The following PAPOLA variants were observed in gnomAD, a reference collection of about 807,000 sequenced individuals.
PAPOLA encodes poly(A) polymerase alpha.
Under a neutral mutation model 100.6 loss-of-function variants are expected in PAPOLA, and 15 were observed. The observed-to-expected ratio is 0.15, with a 90% confidence interval of 0.10 to 0.23. PAPOLA has a LOEUF of 0.23. PAPOLA is among the 10% of genes least tolerant of loss of function. PAPOLA has a pLI of 1.00. For missense variants in PAPOLA, 533 were observed against 884.2 expected, an observed-to-expected ratio of 0.60 and a Z score of 5.04; for synonymous variants, 293 against 300.0, an observed-to-expected ratio of 0.98 and a Z score of 0.24.
intron 10 of PAPOLA, 147 bp from the exon 11 acceptor site, chr14:96,535,732 T>C (rs1419623915): frequency 2.5e-6 from 2 of 797,918 alleles, no homozygotes; most frequent in Non-Finnish European, 3.5e-6. Flanking sequence ...ATAAAAACAA[T>C]GTCTCTCTAC....
Position 96,532,315 on chromosome 14 carries a change from T to TA in PAPOLA, c.608-15dup, listed in dbSNP as rs901458291. The TA allele has an allele frequency of 6.3e-7, 1 of 1,592,142 alleles. No homozygotes were observed. Among genetic ancestry groups the TA allele is most frequent in the Non-Finnish European group, 8.5e-7 (1 of 1,172,586 alleles). On this transcript the variant is annotated splice_polypyrimidine_tract_variant and intron_variant, in intron 7 of 21. Coordinates refer to ENST00000216277, the MANE Select transcript of PAPOLA (RefSeq NM_032632.5). The stretch of plus-strand genomic sequence containing the variant: ...GTGTGTGTGTGTGTGTGTTTTTTTT[T>TA]ACCCCTATTAATTAGGTTGCAGGGT...
chr14:96,543,621 A>C (rs1900169188), intron 14 of PAPOLA, among the ~76,000 whole-genome samples: 1 of 151,980 alleles, frequency 6.6e-6, no homozygotes, highest in Admixed American at 6.6e-5. Flanking sequence ...TCTAATCTTA[A>C]TTATAACAAG....
intron 12 of PAPOLA, chr14:96,537,769 G>GT (rs1899660543): frequency 6.6e-6 from 1 of 151,838 alleles, no homozygotes. Flanking sequence ...ATGTGCCAAA[G>GT]TCCCACTTAA....
chr14:96,509,694 T>C (rs1008198414), intron 1 of PAPOLA, among the ~76,000 whole-genome samples: 58 of 152,228 alleles, frequency 3.8e-4, no homozygotes, highest in African/African-American at 1.3e-3. Flanking sequence ...AGCATGTTAC[T>C]GTACCGAATA....
At chr14:96,557,397 G>GTTTTGGGAAAACCATTAAAA (rs1901430883) in intron 19 of PAPOLA, among the ~76,000 whole-genome samples, 1 of 152,096 alleles carries the variant, frequency 6.6e-6, no homozygotes, top group Non-Finnish European at 1.5e-5. Context: ...TACAGTCTTA[G>GTTTTGGGAAAACCATTAAAA]TTTTGGGAAA....
intron 15 of PAPOLA, among the ~76,000 whole-genome samples, chr14:96,545,716 T>C (rs1174039119): frequency 2.6e-5 from 4 of 152,048 alleles, no homozygotes; most frequent in Non-Finnish European, 4.4e-5. Flanking sequence ...TTGAAAGATA[T>C]ATAGTGTTTC....
rs111547818 is a variant in PAPOLA at position 96,513,802 on chromosome 14, T to C, written c.9-6253T>C. ...TGTTGCTGTTTTGGCATAAGCTGCA[T>C]GTATTTTCTCCTTTTATCATTTGCT... is the stretch of plus-strand genomic sequence containing the variant. On this transcript the variant is annotated intron_variant, in intron 1 of 21. Coordinates refer to ENST00000216277, the MANE Select transcript of PAPOLA (RefSeq NM_032632.5). Among the ~76,000 whole-genome samples the C allele has an allele frequency of 5.9e-5, 9 of 152,372 alleles. 2 individuals carry two copies. The highest frequency in any genetic ancestry group is 2.2e-4 in the African/African-American group (9 of 41,592).
chr14:96,532,741 C>G, intron 9 of PAPOLA, 92 bp downstream of exon 9: 8 of 1,444,452 alleles, frequency 5.5e-6, no homozygotes, highest in African/African-American at 2.9e-5. Context: ...GTTTCAGATT[C>G]AAATTTTAGT....
At chr14:96,561,557 C>T (rs944981770) in intron 20 of PAPOLA, among the ~76,000 whole-genome samples, 9 of 152,168 alleles carry the variant, frequency 5.9e-5, no homozygotes, top group African/African-American at 2.2e-4. Flanking sequence ...CAACCAATTT[C>T]CTATCCATAG....
intron 18 of PAPOLA, 82 bp downstream of exon 18, chr14:96,556,029 A>C: frequency 8.5e-7 from 1 of 1,181,650 alleles, no homozygotes; most frequent in Admixed American, 1.9e-5. Flanking sequence ...GGGTTTGTTA[A>C]GTAGTTGAAA....
At chr14:96,534,628 T>A (rs558544265) in intron 10 of PAPOLA, 65 bp downstream of exon 10, 17 of 1,611,820 alleles carry the variant, frequency 1.1e-5, no homozygotes, top group South Asian at 4.4e-5. Context: ...ATCATCTGCA[T>A]AAACTCCAGG....
At chr14:96,524,677 T>C (rs575588372) in intron 3 of PAPOLA, among the ~76,000 whole-genome samples, 53 of 152,280 alleles carry the variant, frequency 3.5e-4, no homozygotes, top group African/African-American at 1.3e-3. Flanking sequence ...CATGCCACCA[T>C]GCCCAGCTAA....
intron 1 of PAPOLA, among the ~76,000 whole-genome samples, chr14:96,504,902 T>C (rs1896606410): frequency 6.6e-6 from 1 of 152,190 alleles, no homozygotes; most frequent in Non-Finnish European, 1.5e-5. Context: ...ATACCTGTCC[T>C]AATGTTAAAT....
intron 20 of PAPOLA, among the ~76,000 whole-genome samples, chr14:96,562,050 A>T (rs1378201028): frequency 6.6e-6 from 1 of 151,826 alleles, no homozygotes; most frequent in Non-Finnish European, 1.5e-5. Context: ...ACCCGCCACC[A>T]TGCCTGGCTA....
chr14:96,541,868 ATGGTGTTT>A (rs1220894128), intron 12 of PAPOLA: 1 of 161,012 alleles, frequency 6.2e-6, no homozygotes, highest in East Asian at 1.8e-4. Context: ...GTCTAAAGCA[ATGGTGTTT>A]TGATTCTATT....
At chr14:96,538,631 A>G (rs1254062516) in intron 12 of PAPOLA, among the ~76,000 whole-genome samples, 1 of 152,018 alleles carries the variant, frequency 6.6e-6, no homozygotes, top group East Asian at 1.9e-4. Flanking sequence ...GTGTCTTGTG[A>G]AAACTTTTAA....
chr14:96,518,723 T>G (rs1305763015), intron 1 of PAPOLA, among the ~76,000 whole-genome samples: 2 of 150,966 alleles, frequency 1.3e-5, no homozygotes, highest in East Asian at 4.0e-4. Context: ...ATTATCACAC[T>G]TTAACTTAAA....
intron 20 of PAPOLA, among the ~76,000 whole-genome samples, chr14:96,561,490 T>C (rs1475569735): frequency 6.6e-6 from 1 of 152,236 alleles, no homozygotes; most frequent in East Asian, 1.9e-4. Flanking sequence ...TTATGTAATC[T>C]ACAAAATTAT....
intron 1 of PAPOLA, among the ~76,000 whole-genome samples, chr14:96,508,092 T>C (rs929238818): frequency 6.6e-6 from 1 of 152,082 alleles, no homozygotes; most frequent in Middle Eastern, 3.2e-3. Context: ...GCCAGGTTGG[T>C]CTCGAACTCC....
Sources: allele counts gnomAD v4.1 joint callset (sites outside exome capture counted in the v4.1 genomes callset), GRCh38; gene constraint gnomAD v4.1.1; transcripts MANE v1.5; gene names NCBI Gene and HGNC (gene_info 2026-07-23, HGNC 2026-07-21).